Variants in RGL1 observed in about 807,000 individuals in gnomAD.
The protein encoded by RGL1 is ral guanine nucleotide dissociation stimulator like 1.
RGL1 carries 24 observed loss-of-function variants against 95.2 expected under a neutral mutation model. That is an observed-to-expected ratio of 0.25 (90% CI 0.18 to 0.35). The LOEUF (loss-of-function observed/expected upper bound fraction) is 0.35, where lower values mean the gene tolerates loss of function less well. Among genes scored for constraint, RGL1 ranks in the 10% least tolerant of loss-of-function variants. RGL1 has a pLI of 1.00. For synonymous variants in RGL1, 329 were observed against 344.9 expected, an observed-to-expected ratio of 0.95 and a Z score of 0.51; for missense variants, 715 against 936.3, an observed-to-expected ratio of 0.76 and a Z score of 3.08.
chr1:183,857,349 C>T (rs1665220358), intron 3 of RGL1, among the ~76,000 whole-genome samples: 1 of 152,174 alleles, frequency 6.6e-6, no homozygotes, highest in African/African-American at 2.4e-5. Context: ...CCCATTGAGA[C>T]CCTTGTTGGA....
intron 2 of RGL1, among the ~76,000 whole-genome samples, chr1:183,747,981 G>GT (rs1657750770): frequency 6.6e-6 from 1 of 152,102 alleles, no homozygotes. Flanking sequence ...TTTTTGATTG[G>GT]TAGGTTATTA....
chr1:183,715,561 G>A (rs1655567349), intron 1 of RGL1, among the ~76,000 whole-genome samples: 1 of 152,118 alleles, frequency 6.6e-6, no homozygotes, highest in Admixed American at 6.5e-5. Flanking sequence ...AGGTGACAGA[G>A]ACTATTAACA....
chr1:183,698,901 T>C (rs920844431), intron 1 of RGL1, among the ~76,000 whole-genome samples: 1 of 152,256 alleles, frequency 6.6e-6, no homozygotes, highest in Admixed American at 6.5e-5. Flanking sequence ...AATATCTCCC[T>C]CTGTTTTGAT....
At chr1:183,889,146 T>C (rs1193511433) in intron 8 of RGL1, among the ~76,000 whole-genome samples, 1 of 152,146 alleles carries the variant, frequency 6.6e-6, no homozygotes, top group Non-Finnish European at 1.5e-5. Context: ...TTGGAATAAT[T>C]AACAACTTGG....
chr1:183,675,046 C>G (rs187112796), intron 1 of RGL1, among the ~76,000 whole-genome samples: 1 of 152,310 alleles, frequency 6.6e-6, no homozygotes, highest in African/African-American at 2.4e-5. Flanking sequence ...GAGCCAATCT[C>G]AGCTCTTCTG....
chr1:183,717,463 A>T (rs1187991790), intron 1 of RGL1, among the ~76,000 whole-genome samples: 1 of 152,232 alleles, frequency 6.6e-6, no homozygotes, highest in African/African-American at 2.4e-5. Flanking sequence ...ATATGTATTT[A>T]TGTTGTTTTG....
At chr1:183,694,995 G>GA (rs1037709081) in intron 1 of RGL1, among the ~76,000 whole-genome samples, 2 of 152,218 alleles carry the variant, frequency 1.3e-5, no homozygotes, top group African/African-American at 4.8e-5. Flanking sequence ...CCTTGAAAGT[G>GA]AAAAGCAAAG....
At chr1:183,835,131 A>G (rs1175124867) in intron 2 of RGL1, among the ~76,000 whole-genome samples, 1 of 152,208 alleles carries the variant, frequency 6.6e-6, no homozygotes, top group Non-Finnish European at 1.5e-5. Flanking sequence ...AATATCTAGT[A>G]AACAAAATGT....
At chr1:183,661,382 A>T (rs1373626691) in intron 1 of RGL1, among the ~76,000 whole-genome samples, 1 of 152,234 alleles carries the variant, frequency 6.6e-6, no homozygotes, top group African/African-American at 2.4e-5. Context: ...GGATATCACC[A>T]CCAATCCCAC....
chr1:183,686,279 T>C (rs1216687941), intron 1 of RGL1, among the ~76,000 whole-genome samples: 4 of 152,206 alleles, frequency 2.6e-5, no homozygotes, highest in Non-Finnish European at 4.4e-5. Flanking sequence ...ACTTAACCCC[T>C]GGAAATAATC....
chr1:183,723,295 A>G (rs527922053), intron 1 of RGL1, among the ~76,000 whole-genome samples: 4 of 152,336 alleles, frequency 2.6e-5, no homozygotes, highest in African/African-American at 9.6e-5. Context: ...CCTTGCAGGA[A>G]CACCAAATTT....
Position 183,743,513 on chromosome 1 carries a change from T to A in RGL1, c.132+1224T>A, listed in dbSNP as rs1456662798. Among the ~76,000 whole-genome samples, 5 of 152,216 alleles carry A rather than the reference T, an allele frequency of 3.3e-5. No homozygotes were observed. In the East Asian group the frequency reaches 9.6e-4, roughly 29 times the overall value. ...CATTATCTTGGGTAGTTGTCTAGGG[T>A]CTGGTCCTTAGCTTACATGCTTGGA... On this transcript the variant is annotated intron_variant, in intron 2 of 18. Transcript: ENST00000304685.
chr1:183,883,987 G>T, intron 6 of RGL1, 77 bp downstream of exon 6: 1 of 1,461,690 alleles, frequency 6.8e-7, no homozygotes, highest in African/African-American at 1.4e-5. Flanking sequence ...CCCGGTGACA[G>T]CAGTGGGATA....
chr1:183,761,019 C>T (rs1658639072), intron 2 of RGL1, among the ~76,000 whole-genome samples: 1 of 152,234 alleles, frequency 6.6e-6, no homozygotes, highest in African/African-American at 2.4e-5. Flanking sequence ...TTGCTATTTC[C>T]ATTGCACTGG....
chr1:183,920,669 A>G (rs962702729), intron 16 of RGL1, among the ~76,000 whole-genome samples: 3 of 152,198 alleles, frequency 2.0e-5, no homozygotes, highest in East Asian at 3.8e-4. Context: ...GCTTTCTGCT[A>G]CTAGTCCAGT....
intron 9 of RGL1, among the ~76,000 whole-genome samples, chr1:183,895,678 A>T (rs948103558): frequency 1.3e-5 from 2 of 152,304 alleles, no homozygotes; most frequent in Admixed American, 1.3e-4. Context: ...GGTTCAAGGG[A>T]TTGGTGTTGT....
chr1:183,664,216 T>TAATAA (rs145384705), intron 1 of RGL1, among the ~76,000 whole-genome samples: 59,527 of 150,732 alleles, frequency 0.39, 11,952 homozygotes, highest in African/African-American at 0.47. Context: ...AGTATAATAA[T>TAATAA]AATAAAATAA....
chr1:183,907,519 A>C (rs1668406788), intron 14 of RGL1, among the ~76,000 whole-genome samples: 1 of 152,222 alleles, frequency 6.6e-6, no homozygotes, highest in Non-Finnish European at 1.5e-5. Flanking sequence ...TAACCTGCAG[A>C]CTTCCCTCTC....
Position 183,784,508 on chromosome 1 carries a change from A to C in RGL1, c.133-21867A>C, listed in dbSNP as rs552567720. Among the ~76,000 whole-genome samples, 4 of 152,318 alleles carry C rather than the reference A, an allele frequency of 2.6e-5. No homozygotes were observed. The East Asian group carries it at 7.7e-4, about 29-fold the overall frequency. On this transcript the variant is annotated intron_variant, in intron 2 of 18. Coordinates refer to the RGL1 transcript ENST00000304685. ...TTTCCAAGCCAGGAGTCAGACCTGG[A>C]ACATGGGCCTGACTAGCAGTAAGAA... is the stretch of plus-strand genomic sequence containing the variant.
Sources: gnomAD v4.1 joint callset for allele counts (sites outside exome capture counted in the v4.1 genomes callset) on GRCh38, gnomAD v4.1.1 for gene constraint, MANE v1.5 for transcripts, NCBI Gene and HGNC (gene_info 2026-07-23, HGNC 2026-07-21) for gene names.